The following CAMTA1 variants were observed in gnomAD, a reference collection of about 807,000 sequenced individuals.
CAMTA1 encodes the protein calmodulin binding transcription activator 1.
A neutral mutation model predicts 170.9 loss-of-function variants in CAMTA1; 27 were observed. The observed-to-expected ratio is 0.16, with a 90% CI of 0.12 to 0.22. The LOEUF (loss-of-function observed/expected upper bound fraction) is 0.22, where lower values mean the gene tolerates loss of function less well. CAMTA1 is among the 10% of genes least tolerant of loss of function. The pLI, the probability that CAMTA1 is intolerant of heterozygous loss-of-function variation, is 1.00. For missense variants in CAMTA1, 1,619 were observed against 2,217.2 expected (o/e 0.73, Z 5.42); for synonymous variants, 833 against 891.5 (o/e 0.93, Z 1.17).
chr1:7,483,521 T>C (rs551726769), intron 6 of CAMTA1, among the ~76,000 whole-genome samples: 46 of 152,208 alleles, frequency 3.0e-4, no homozygotes, highest in African/African-American at 9.4e-4. Flanking sequence ...AGAAGCAAGT[T>C]CCCTTCCTTT....
intron 3 of CAMTA1, among the ~76,000 whole-genome samples, chr1:6,902,039 T>TCACACACACACA (rs536174579): frequency 7.9e-5 from 9 of 114,336 alleles, no homozygotes; most frequent in Admixed American, 1.8e-4. Context: ...GGTGAGACTG[T>TCACACACACACA]CACACACACA....
Position 6,918,140 on chromosome 1 carries a change from G to C in CAMTA1, c.234+92930G>C, listed in dbSNP as rs1392358816. Reference sequence around the variant, plus strand: ...GGCCTCCCATGCTCCTGTTTGGGAAGAATTATGCAATTATTCCTAAATGGA... The same window carrying C: ...GGCCTCCCATGCTCCTGTTTGGGAACAATTATGCAATTATTCCTAAATGGA... On this transcript the variant is annotated intron_variant, in intron 3 of 22. Coordinates refer to ENST00000303635, the MANE Select transcript of CAMTA1 (RefSeq NM_015215.4). This position sits in a 1 kb window ranked among gnomAD's most constrained non-coding sequence, Gnocchi z 4.0. Among the ~76,000 whole-genome samples the C allele has an allele frequency of 6.6e-6, 1 of 152,162 alleles. No homozygotes were observed. Among genetic ancestry groups the C allele is most frequent in the African/African-American group, 2.4e-5 (1 of 41,420 alleles).
chr1:6,972,822 C>T (rs1297045587), intron 3 of CAMTA1, among the ~76,000 whole-genome samples: 2 of 152,126 alleles, frequency 1.3e-5, no homozygotes, highest in Admixed American at 6.6e-5. Flanking sequence ...ATCCTCTTAA[C>T]AGATTTTTCC....
chr1:7,246,432 A>C (rs941137341), intron 4 of CAMTA1, among the ~76,000 whole-genome samples: 1 of 152,180 alleles, frequency 6.6e-6, no homozygotes, highest in African/African-American at 2.4e-5. Context: ...TGGCATTATT[A>C]AGTTGCAGGA....
chr1:7,709,724 T>G (rs951238182), intron 11 of CAMTA1, among the ~76,000 whole-genome samples: 3 of 152,196 alleles, frequency 2.0e-5, no homozygotes, highest in Non-Finnish European at 2.9e-5. Flanking sequence ...ACTGGGTGTT[T>G]CAGCTCTACC....
chr1:7,193,658 C>T (rs1474421697), intron 4 of CAMTA1, among the ~76,000 whole-genome samples: 2 of 152,054 alleles, frequency 1.3e-5, no homozygotes, highest in Non-Finnish European at 2.9e-5. Context: ...GAAGGGGGTG[C>T]GGAAGCTTGA....
intron 5 of CAMTA1, among the ~76,000 whole-genome samples, chr1:7,283,369 C>T (rs527466813): frequency 6.6e-6 from 1 of 152,292 alleles, no homozygotes; most frequent in South Asian, 2.1e-4. Context: ...GCAAAACTGT[C>T]TTCCTTTCCC....
intron 10 of CAMTA1, among the ~76,000 whole-genome samples, chr1:7,675,032 A>G (rs978386244): frequency 5.0e-4 from 76 of 152,212 alleles, no homozygotes; most frequent in African/African-American, 1.8e-3. Context: ...GCAGTAGAAT[A>G]TGGTAATAAG....
chr1:6,871,735 C>A lies in CAMTA1; in HGVS notation c.234+46525C>A. The A allele has an allele frequency of 2.0e-6, 3 of 1,531,370 alleles. No homozygotes were observed. The South Asian group carries it at 3.6e-5, about 18-fold the overall frequency. 94.9% of individuals were successfully genotyped at this position (1,531,370 alleles called of 1,614,324 possible). A position where few individuals can be genotyped will look rare whatever the true frequency, so the allele number is the denominator to read the frequency against. ...TTCTCAGAGATACTAGTTTTACTTA[C>A]TGGAGCTCCTTTGTTTTGCAGAGAT... is the stretch of plus-strand genomic sequence containing the variant. On this transcript the variant is annotated intron_variant, in intron 3 of 22. Coordinates refer to ENST00000303635, the MANE Select transcript of CAMTA1 (RefSeq NM_015215.4).
chr1:7,210,163 A>G (rs35753089), intron 4 of CAMTA1, among the ~76,000 whole-genome samples: 1 of 152,270 alleles, frequency 6.6e-6, no homozygotes, highest in South Asian at 2.1e-4. Flanking sequence ...TTAGCAAAAT[A>G]CAATAATAAA....
chr1:7,338,255 C>A (rs1213274061), intron 5 of CAMTA1, among the ~76,000 whole-genome samples: 1 of 152,068 alleles, frequency 6.6e-6, no homozygotes, highest in Non-Finnish European at 1.5e-5. Flanking sequence ...GAAGAGAGTG[C>A]ACCCCCTTCC....
At chr1:7,608,263 G>T (rs2095500629) in intron 6 of CAMTA1, among the ~76,000 whole-genome samples, 1 of 152,204 alleles carries the variant, frequency 6.6e-6, no homozygotes, top group South Asian at 2.1e-4. Context: ...AGTCAAGCAG[G>T]CCCAGACCTG....
chr1:7,667,006 A>T (rs2149184528), intron 9 of CAMTA1, among the ~76,000 whole-genome samples: 1 of 152,260 alleles, frequency 6.6e-6, no homozygotes, highest in South Asian at 2.1e-4. Flanking sequence ...CTCCTGCCTC[A>T]GCCTGCCGAG....
At chr1:7,009,252 T>G (rs1699450478) in intron 3 of CAMTA1, among the ~76,000 whole-genome samples, 2 of 152,182 alleles carry the variant, frequency 1.3e-5, no homozygotes, top group Non-Finnish European at 2.9e-5. Flanking sequence ...TGCTGGAGGC[T>G]GCTGGGAGGT....
intron 3 of CAMTA1, among the ~76,000 whole-genome samples, chr1:7,011,467 C>A (rs892895408): frequency 1.3e-5 from 2 of 152,168 alleles, no homozygotes; most frequent in African/African-American, 4.8e-5. Flanking sequence ...TGAGACCCTT[C>A]GCCCTCCTAT....
chr1:7,006,501 C>T (rs1699025371), intron 3 of CAMTA1, among the ~76,000 whole-genome samples: 1 of 152,010 alleles, frequency 6.6e-6, no homozygotes, highest in African/African-American at 2.4e-5. Flanking sequence ...TCAGAATCAC[C>T]CCAAGGCCTG....
chr1:6,829,529 C>T lies in CAMTA1; in HGVS notation c.234+4319C>T, dbSNP rs1362943115. Among the ~76,000 whole-genome samples, 4 of 152,172 alleles carry T rather than the reference C, an allele frequency of 2.6e-5. No individual in the cohort carries two copies. In the East Asian group the frequency reaches 7.7e-4, roughly 29 times the overall value. On this transcript the variant is annotated intron_variant, in intron 3 of 22. Transcript: ENST00000303635. The stretch of plus-strand genomic sequence containing the variant: ...AGGAGTGAAGGTGATGATGGCTGCA[C>T]TAATTATGGAAGCCAGTATGTATTG...
chr1:7,691,345 G>T (rs960961081), intron 11 of CAMTA1, among the ~76,000 whole-genome samples: 2 of 152,302 alleles, frequency 1.3e-5, no homozygotes, highest in African/African-American at 4.8e-5. Flanking sequence ...CAGAGCCAGG[G>T]CTGTGTGTGC....
At chr1:7,465,730 T>C (rs1354025471) in intron 5 of CAMTA1, among the ~76,000 whole-genome samples, 1 of 152,210 alleles carries the variant, frequency 6.6e-6, no homozygotes, top group Non-Finnish European at 1.5e-5. Flanking sequence ...TTCCTCTTCT[T>C]TTGTAGGTTC....
Sources: allele counts gnomAD v4.1 joint callset (sites outside exome capture counted in the v4.1 genomes callset), GRCh38; gene constraint gnomAD v4.1.1; non-coding constraint Gnocchi (gnomAD v3.1); transcripts MANE v1.5; gene names NCBI Gene and HGNC (gene_info 2026-07-23, HGNC 2026-07-21).